RPA3: variants seen among roughly 807,000 people sequenced by gnomAD.
RPA3 encodes replication protein A3, also known as replication protein A 14 kDa subunit.
RPA3 carries 24 observed loss-of-function variants against 13.7 expected under a neutral mutation model. The observed-to-expected ratio is 1.75, with a 90% CI of 1.27 to 2.46. The LOEUF is 2.46. Ranked by LOEUF, RPA3 falls within the 30% of genes most tolerant of loss-of-function variation. The pLI is 0.00. For missense variants in RPA3, 183 were observed against 151.0 expected (o/e 1.21, Z -1.11); for synonymous variants, 59 against 51.2 (o/e 1.15, Z -0.65).
At chr7:7,658,525 T>G (rs1358240347) in intron 4 of RPA3, among the ~76,000 whole-genome samples, 1 of 152,250 alleles carries the variant, frequency 6.6e-6, no homozygotes, top group East Asian at 1.9e-4. Context: ...TATGAAGGGC[T>G]GTTGAATTTT....
chr7:7,706,840 G>A (rs1780613845), intron 2 of RPA3, among the ~76,000 whole-genome samples: 1 of 152,026 alleles, frequency 6.6e-6, no homozygotes, highest in Non-Finnish European at 1.5e-5. Flanking sequence ...TTATTTTTTG[G>A]ATAGAGCATC....
chr7:7,685,688 C>T (rs1330799054), intron 4 of RPA3, 142 bp downstream of exon 4: 2 of 152,198 alleles, frequency 1.3e-5, no homozygotes, highest in African/African-American at 2.4e-5. Flanking sequence ...GCCTGACCCT[C>T]TTCGAAGTTG....
At chr7:7,669,199 C>T (rs1302403815) in intron 4 of RPA3, among the ~76,000 whole-genome samples, 1 of 151,868 alleles carries the variant, frequency 6.6e-6, no homozygotes, top group Non-Finnish European at 1.5e-5. Context: ...TTTCAGGTGT[C>T]TACTTGGGAT....
chr7:7,673,177 A>G (rs2115108044), intron 4 of RPA3: 2 of 699,328 alleles, frequency 2.9e-6, no homozygotes, highest in Non-Finnish European at 5.0e-6. Context: ...GAGAAGGCTC[A>G]TGGTTTTACA....
chr7:7,656,793 A>G (rs1164263870), intron 4 of RPA3, among the ~76,000 whole-genome samples: 2 of 152,104 alleles, frequency 1.3e-5, no homozygotes, highest in Non-Finnish European at 2.9e-5. Context: ...ATGTGTCTTT[A>G]TGGTAGAATG....
intron 3 of RPA3, among the ~76,000 whole-genome samples, chr7:7,686,879 C>T (rs1780053397): frequency 6.6e-6 from 1 of 152,176 alleles, no homozygotes; most frequent in South Asian, 2.1e-4. Flanking sequence ...GTGTACCTTC[C>T]TTACTCCTCT....
chr7:7,658,043 G>A (rs558396518), intron 4 of RPA3, among the ~76,000 whole-genome samples: 85 of 151,960 alleles, frequency 5.6e-4, no homozygotes, highest in Non-Finnish European at 6.9e-4. Context: ...TTGTAAGTTG[G>A]ATTCCTAGGT....
intron 4 of RPA3, among the ~76,000 whole-genome samples, chr7:7,642,836 G>A (rs1312637699): frequency 6.6e-6 from 1 of 152,102 alleles, no homozygotes; most frequent in Non-Finnish European, 1.5e-5. Flanking sequence ...CTTGAAATTT[G>A]TGTTAAGCTT....
At chr7:7,647,072 T>C (rs1303632738) in intron 4 of RPA3, among the ~76,000 whole-genome samples, 1 of 152,212 alleles carries the variant, frequency 6.6e-6, no homozygotes, top group Non-Finnish European at 1.5e-5. Flanking sequence ...TCCAAGATTG[T>C]ACATAAAACT....
chr7:7,671,912 G>A (rs991773524), intron 4 of RPA3, among the ~76,000 whole-genome samples: 1 of 152,072 alleles, frequency 6.6e-6, no homozygotes, highest in Non-Finnish European at 1.5e-5. Context: ...CATGACTTGT[G>A]TTTTTCTTCT....
chr7:7,640,261 A>C, intron 5 of RPA3, 59 bp downstream of exon 5: 3 of 1,543,998 alleles, frequency 1.9e-6, no homozygotes, highest in Middle Eastern at 3.4e-4. Flanking sequence ...CCCGTTATCC[A>C]GGCGGGGTCC....
chr7:7,665,668 C>A (rs1779427433), intron 4 of RPA3, among the ~76,000 whole-genome samples: 1 of 152,162 alleles, frequency 6.6e-6, no homozygotes, highest in South Asian at 2.1e-4. Context: ...ACTCCCTTGT[C>A]ATCCCTCCTT....
intron 4 of RPA3, among the ~76,000 whole-genome samples, chr7:7,644,711 A>G (rs1375046218): frequency 6.6e-6 from 1 of 152,068 alleles, no homozygotes; most frequent in African/African-American, 2.4e-5. Context: ...CTATTTTTCT[A>G]TCCCTGAACC....
rs571178821 is a variant in RPA3, at chr7:7,640,472, G to A, written c.-54C>T. 770 of 1,552,476 alleles carry A rather than the reference G, an allele frequency of 5.0e-4. 1 individual carries two copies. Among genetic ancestry groups the A allele is most frequent in the Admixed American group, 6.9e-4 (41 of 59,800 alleles). On this transcript the variant is annotated 5_prime_UTR_variant, in exon 5 of 8. Coordinates refer to ENST00000223129, the MANE Select transcript of RPA3 (RefSeq NM_002947.5). The stretch of plus-strand genomic sequence containing the variant: ...GAAACCCACGGACGACTGAAACTGT[G>A]CGCCCCGCGGGTGTCTATGGGGCAG...
chr7:7,651,951 C>G (rs1159483455), intron 4 of RPA3, among the ~76,000 whole-genome samples: 4 of 152,208 alleles, frequency 2.6e-5, no homozygotes, highest in Non-Finnish European at 5.9e-5. Flanking sequence ...CACTGCCCTC[C>G]TGACTCCTCC....
At chr7:7,706,762 A>C (rs555360264) in intron 2 of RPA3, among the ~76,000 whole-genome samples, 82 of 152,162 alleles carry the variant, frequency 5.4e-4, no homozygotes, top group Non-Finnish European at 1.0e-3. Flanking sequence ...GACAGCTGGG[A>C]TTTTAAACTA....
chr7:7,698,375 A>T (rs1461918037), intron 2 of RPA3, among the ~76,000 whole-genome samples: 1 of 152,190 alleles, frequency 6.6e-6, no homozygotes, highest in African/African-American at 2.4e-5. Flanking sequence ...CTCTGCCATC[A>T]ATTTCAACCA....
intron 4 of RPA3, among the ~76,000 whole-genome samples, chr7:7,654,701 G>T (rs966302608): frequency 6.6e-6 from 1 of 152,040 alleles, no homozygotes; most frequent in Non-Finnish European, 1.5e-5. Flanking sequence ...CTAGGAGTTC[G>T]AGACCAGCCT....
rs1393617775 is a variant in RPA3, at chr7:7,637,037, G to C, written c.329C>G (p.Pro110Arg). The C allele has an allele frequency of 6.2e-7, 1 of 1,612,742 alleles. No homozygotes were observed. The change falls in exon 8 of 8, where the codon CCT becomes CGT. Residue 110 changes from proline (P) to arginine (R), a missense_variant. Pro to Arg is a moderately radical substitution (Grantham distance 103). Transcript: ENST00000223129. ...CACAATCCCTAAAGGATAAAACTGA[G>C]GGAAGTCATGGATAATTTTCACAGC... ...NEAVKIIHDFPQFYPLGIVQH... is the reference protein window; with the variant it reads ...NEAVKIIHDFRQFYPLGIVQH...
Sources: gnomAD v4.1 joint callset for allele counts (sites outside exome capture counted in the v4.1 genomes callset) on GRCh38, gnomAD v4.1.1 for gene constraint, MANE v1.5 for transcripts, NCBI Gene and HGNC (gene_info 2026-07-23, HGNC 2026-07-21) for gene names.